FBXL17: variants seen among roughly 807,000 people sequenced by gnomAD.
The protein encoded by FBXL17 is F-box/LRR-repeat protein 17.
A neutral mutation model predicts 66.2 loss-of-function variants in FBXL17; 22 were observed. The ratio of observed to expected loss-of-function variants is 0.33; its 90% confidence interval spans 0.24 to 0.47. FBXL17 has a LOEUF of 0.47. Ranked by LOEUF, FBXL17 falls within the 20% of genes least tolerant of loss-of-function variation. FBXL17 has a pLI of 1.00. For missense variants in FBXL17, 878 were observed against 948.2 expected (o/e 0.93, Z 0.97); for synonymous variants, 474 against 400.5 (o/e 1.18, Z -2.19).
At chr5:108,155,787 C>T (rs527520905) in intron 6 of FBXL17, among the ~76,000 whole-genome samples, 2 of 152,072 alleles carry the variant, frequency 1.3e-5, no homozygotes, top group South Asian at 2.1e-4. Context: ...TGATTTAGAA[C>T]AAAAAATAAA....
At chr5:108,054,533 T>A (rs1165842635) in intron 6 of FBXL17, among the ~76,000 whole-genome samples, 1 of 152,174 alleles carries the variant, frequency 6.6e-6, no homozygotes, top group Non-Finnish European at 1.5e-5. Flanking sequence ...CTGTTTGGCC[T>A]TCTCTGCTAA....
chr5:108,350,625 T>C (rs569315225), intron 3 of FBXL17, among the ~76,000 whole-genome samples: 2 of 152,224 alleles, frequency 1.3e-5, no homozygotes, highest in South Asian at 2.1e-4. Context: ...AGGATTAGGA[T>C]GAAAATGCAT....
intron 7 of FBXL17, among the ~76,000 whole-genome samples, chr5:107,905,856 C>T (rs1463946939): frequency 6.6e-6 from 1 of 152,174 alleles, no homozygotes; most frequent in East Asian, 1.9e-4. Flanking sequence ...CCTCAGCTGC[C>T]TCAGGCAGCT....
At chr5:108,240,922 TCTGC>T (rs1229234144) in intron 4 of FBXL17, among the ~76,000 whole-genome samples, 1 of 152,136 alleles carries the variant, frequency 6.6e-6, no homozygotes, top group Non-Finnish European at 1.5e-5. Context: ...GTTAAGAGTC[TCTGC>T]CTGATAATTC....
intron 4 of FBXL17, among the ~76,000 whole-genome samples, chr5:108,305,700 T>G (rs1263919048): frequency 6.6e-6 from 1 of 152,046 alleles, no homozygotes; most frequent in Non-Finnish European, 1.5e-5. Flanking sequence ...CATGCTCAGT[T>G]TGAACTGAAA....
intron 5 of FBXL17, among the ~76,000 whole-genome samples, chr5:108,188,173 C>T (rs1333268707): frequency 1.3e-5 from 2 of 152,184 alleles, no homozygotes; most frequent in Non-Finnish European, 2.9e-5. Flanking sequence ...CACACTCTTT[C>T]CACCTCAGCT....
Position 108,295,603 on chromosome 5 carries a change from C to T in FBXL17, c.1506+52796G>A, listed in dbSNP as rs1758313274. The stretch of plus-strand genomic sequence containing the variant: ...ACTTGAAATTGACAGATCAAACAAA[C>T]AAATCAGTTACTGTTTTCAAAGAGT... On this transcript the variant is annotated intron_variant, in intron 4 of 8. Transcript: ENST00000542267. 4.6e-5 allele frequency among the ~76,000 whole-genome samples: 7 copies of T among 151,948 alleles called. No individual in the cohort carries two copies. The South Asian group carries it at 1.2e-3, about 27-fold the overall frequency.
chr5:107,943,560 T>TC (rs929339450), intron 7 of FBXL17, among the ~76,000 whole-genome samples: 1 of 151,784 alleles, frequency 6.6e-6, no homozygotes, highest in African/African-American at 2.4e-5. Context: ...TTTTTTTTTT[T>TC]TCACCCAATC....
At chr5:108,035,096 G>A (rs1347945291) in intron 6 of FBXL17, among the ~76,000 whole-genome samples, 1 of 152,066 alleles carries the variant, frequency 6.6e-6, no homozygotes, top group East Asian at 1.9e-4. Flanking sequence ...TAAAGAAATT[G>A]ATCTCTCAGT....
chr5:108,381,322 C>T lies in FBXL17; in HGVS notation c.370G>A (p.Ala124Thr). 1.4e-5 allele frequency: 19 copies of T among 1,392,052 alleles called. No homozygotes were observed. Among genetic ancestry groups the T allele is most frequent in the Admixed American group, 3.2e-5 (1 of 31,292 alleles). 86.2% of individuals were successfully genotyped at this position (1,392,052 alleles called of 1,614,324 possible). A position where few individuals can be genotyped will look rare whatever the true frequency, so the allele number is the denominator to read the frequency against. The change falls in exon 1 of 9, where the codon GCC becomes ACC. Residue 124 changes from alanine to threonine, a missense_variant. By Grantham distance (58) the Ala-to-Thr change is moderately conservative. This residue lies in a region of FBXL17 where 605 missense variants were observed against 509.5 expected (regional missense o/e 1.19). Transcript: ENST00000542267. ...AAARRFLLSS[A>T]AAAAAAAASA... ...GCGGCAGCGGCGGCGGCGGCGGCGG[C>T]CGAGGATAGCAGGAAGCGGCGGGCA...
At chr5:108,362,336 G>A (rs999470805) in intron 3 of FBXL17, among the ~76,000 whole-genome samples, 5 of 152,028 alleles carry the variant, frequency 3.3e-5, no homozygotes, top group Non-Finnish European at 7.4e-5. Flanking sequence ...GCATATAATT[G>A]AGTCACATAA....
chr5:107,975,551 T>C (rs1043745672), intron 7 of FBXL17, among the ~76,000 whole-genome samples: 1 of 152,142 alleles, frequency 6.6e-6, no homozygotes, highest in African/African-American at 2.4e-5. Flanking sequence ...TTAAAATGAA[T>C]GTGTTTTTTA....
rs200009710 is a variant in FBXL17 at position 108,335,358 on chromosome 5, GT to G, written c.1506+13040del. ...CAGTATCTTTAAAAAAAAAAAATAC[GT>G]TTTTTTTTTAAATTTTGAAAAGTAG... is the stretch of plus-strand genomic sequence containing the variant. On this transcript the variant is annotated intron_variant, in intron 4 of 8. Transcript: ENST00000542267. Among the ~76,000 whole-genome samples, 8 of 140,608 alleles carry G rather than the reference GT, an allele frequency of 5.7e-5. No homozygotes were observed. In the East Asian group the frequency reaches 6.2e-4, roughly 11 times the overall value. 92.2% of individuals were successfully genotyped at this position (140,608 alleles called of 152,430 possible). A position where few individuals can be genotyped will look rare whatever the true frequency, so the allele number is the denominator to read the frequency against.
chr5:108,318,414 A>G (rs963240583), intron 4 of FBXL17, among the ~76,000 whole-genome samples: 1 of 151,782 alleles, frequency 6.6e-6, no homozygotes, highest in African/African-American at 2.4e-5. Flanking sequence ...TTTGATTTCC[A>G]AATAAATCCC....
chr5:108,194,705 CTT>C (rs1303816391), intron 5 of FBXL17, among the ~76,000 whole-genome samples: 1 of 152,154 alleles, frequency 6.6e-6, no homozygotes, highest in African/African-American at 2.4e-5. Context: ...TGTGGTGACT[CTT>C]GATTCATTCA....
intron 3 of FBXL17, among the ~76,000 whole-genome samples, chr5:108,356,482 G>GAT (rs1403675444): frequency 3.3e-5 from 5 of 152,054 alleles, no homozygotes; most frequent in African/African-American, 7.2e-5. Context: ...CAGGCAATAG[G>GAT]ATATTATTCA....
intron 7 of FBXL17, among the ~76,000 whole-genome samples, chr5:107,993,137 C>A (rs928272942): frequency 3.3e-5 from 5 of 152,152 alleles, no homozygotes; most frequent in African/African-American, 1.2e-4. Flanking sequence ...CCTCGTGATC[C>A]ACCCACCTTG....
At chr5:108,248,510 G>A (rs1756207868) in intron 4 of FBXL17, among the ~76,000 whole-genome samples, 1 of 152,066 alleles carries the variant, frequency 6.6e-6, no homozygotes, top group African/African-American at 2.4e-5. Flanking sequence ...AGAAAGACAG[G>A]AGAAAGAATA....
chr5:108,305,798 C>G (rs1758809236), intron 4 of FBXL17, among the ~76,000 whole-genome samples: 1 of 152,122 alleles, frequency 6.6e-6, no homozygotes, highest in African/African-American at 2.4e-5. Flanking sequence ...TCCTTTGAAA[C>G]TGTTTTGAAC....
Sources: allele counts gnomAD v4.1 joint callset (sites outside exome capture counted in the v4.1 genomes callset), GRCh38; gene constraint gnomAD v4.1.1; regional missense constraint gnomAD v4.1.1; transcripts MANE v1.5; gene names NCBI Gene and HGNC (gene_info 2026-07-23, HGNC 2026-07-21).